Variants in USH2A observed in about 807,000 individuals in gnomAD.
The protein encoded by USH2A is usherin, also known as Usher syndrome 2A (autosomal recessive, mild).
USH2A carries 443 observed loss-of-function variants against 538.9 expected under a neutral mutation model. That is an observed-to-expected ratio of 0.82 (90% CI 0.76 to 0.89). USH2A has a LOEUF of 0.89. USH2A is among the 40% of genes least tolerant of loss of function. USH2A has a pLI of 0.00. For missense variants in USH2A, 6,633 were observed against 6,324.8 expected (o/e 1.05, Z -1.65); for synonymous variants, 2,413 against 2,273.5 (o/e 1.06, Z -1.75).
chr1:216,399,282 T>C (rs747626288), intron 3 of USH2A, among the ~76,000 whole-genome samples: 1 of 152,050 alleles, frequency 6.6e-6, no homozygotes, highest in Non-Finnish European at 1.5e-5. Context: ...GGAATGAACC[T>C]CTCCACTCTC....
intron 25 of USH2A, 82 bp from the exon 26 acceptor site, chr1:216,083,668 C>T: frequency 7.5e-7 from 1 of 1,331,324 alleles, no homozygotes; most frequent in Non-Finnish European, 1.0e-6. Flanking sequence ...AACTCTAGGA[C>T]ACAGTCTGCC....
intron 38 of USH2A, among the ~76,000 whole-genome samples, chr1:215,929,686 T>G (rs189202861): frequency 3.9e-5 from 6 of 152,042 alleles, no homozygotes; most frequent in African/African-American, 1.4e-4. Context: ...ATATAATATG[T>G]TGTTCAATCC....
intron 11 of USH2A, among the ~76,000 whole-genome samples, chr1:216,282,317 G>A (rs2036799288): frequency 6.6e-6 from 1 of 152,100 alleles, no homozygotes; most frequent in Non-Finnish European, 1.5e-5. Flanking sequence ...AGGACATGAA[G>A]ATTTGCATCT....
intron 20 of USH2A, among the ~76,000 whole-genome samples, chr1:216,184,176 G>T (rs1303459838): frequency 6.6e-6 from 1 of 151,952 alleles, no homozygotes; most frequent in East Asian, 1.9e-4. Flanking sequence ...ATTGTAAAAT[G>T]GTGCCTTTAT....
At chr1:216,237,068 C>T (rs80270703) in intron 13 of USH2A, among the ~76,000 whole-genome samples, 5,351 of 152,184 alleles carry the variant, frequency 0.035, 326 homozygotes, top group African/African-American at 0.12. Context: ...TGTTCCCATT[C>T]AGTGTTTATC....
chr1:216,006,630 C>T (rs903964698), intron 32 of USH2A, among the ~76,000 whole-genome samples: 3 of 152,148 alleles, frequency 2.0e-5, no homozygotes, highest in African/African-American at 7.2e-5. Flanking sequence ...AACTTTTCAG[C>T]CATAATTATG....
intron 11 of USH2A, among the ~76,000 whole-genome samples, chr1:216,268,691 C>T (rs948352781): frequency 2.0e-5 from 3 of 152,072 alleles, no homozygotes; most frequent in Non-Finnish European, 4.4e-5. Context: ...GCTATACAGC[C>T]CCTTTTCTGA....
chr1:215,711,624 A>G (rs1397281391), intron 61 of USH2A, among the ~76,000 whole-genome samples: 1 of 151,996 alleles, frequency 6.6e-6, no homozygotes. Flanking sequence ...CTTATGTATC[A>G]TTTTTTATTT....
chr1:216,393,337 G>A (rs976440673), intron 3 of USH2A, among the ~76,000 whole-genome samples: 2 of 152,170 alleles, frequency 1.3e-5, no homozygotes, highest in Non-Finnish European at 1.5e-5. Context: ...TGTATGAATT[G>A]AAATTTAATC....
At chr1:215,964,369 G>A (rs1034781797) in intron 37 of USH2A, among the ~76,000 whole-genome samples, 2 of 152,102 alleles carry the variant, frequency 1.3e-5, no homozygotes, top group African/African-American at 2.4e-5. Flanking sequence ...CACTTGACTC[G>A]CATTTGCTTG....
intron 47 of USH2A, 95 bp from the exon 48 acceptor site, chr1:215,817,290 T>C (rs916407529): frequency 8.4e-6 from 5 of 597,152 alleles, no homozygotes; most frequent in East Asian, 8.2e-5. Flanking sequence ...TAGATACTAA[T>C]ATATATATAT....
At chr1:215,730,903 T>C (rs1659977274) in intron 60 of USH2A, among the ~76,000 whole-genome samples, 2 of 152,176 alleles carry the variant, frequency 1.3e-5, no homozygotes, top group South Asian at 4.1e-4. Flanking sequence ...ACCAGGTGTG[T>C]CATTGGGAGA....
In USH2A at chr1:216,084,780, A is replaced by G; in HGVS notation, c.5085T>C (p.Ser1695=). ...TATACACGTTGATTTGTTCTTCAGA[A>G]CTCTGCCAATCCAGAGGTTCCCAAA... ...SAIWEPLDWQ[S]SEEQINVYNS... The change falls in exon 25 of 72, where the codon AGT becomes AGC. Residue 1695 remains serine (S), a synonymous_variant. Transcript: ENST00000307340. 1 of 1,613,482 alleles carries G rather than the reference A, an allele frequency of 6.2e-7. No homozygotes were observed. Among genetic ancestry groups the G allele is most frequent in the Non-Finnish European group, 8.5e-7 (1 of 1,179,678 alleles).
chr1:215,671,625 A>T (rs957363570), intron 63 of USH2A, among the ~76,000 whole-genome samples: 1 of 152,128 alleles, frequency 6.6e-6, no homozygotes, highest in Non-Finnish European at 1.5e-5. Context: ...GGTGAGTGCA[A>T]TTCTTCCCCT....
At chr1:215,956,167 A>C (rs905817913) in intron 37 of USH2A, among the ~76,000 whole-genome samples, 1 of 152,184 alleles carries the variant, frequency 6.6e-6, no homozygotes, top group Non-Finnish European at 1.5e-5. Context: ...CACTGATTCT[A>C]ATATTACTAT....
chr1:216,141,708 C>A (rs2033606916), intron 21 of USH2A, among the ~76,000 whole-genome samples: 1 of 152,018 alleles, frequency 6.6e-6, no homozygotes, highest in African/African-American at 2.4e-5. Context: ...ATCTGGCATA[C>A]CATGTTTCTA....
chr1:216,285,000 T>G (rs1433487015), intron 11 of USH2A, among the ~76,000 whole-genome samples: 1 of 152,124 alleles, frequency 6.6e-6, no homozygotes, highest in Non-Finnish European at 1.5e-5. Flanking sequence ...TAGTAAGTGT[T>G]AAAGAGGAAG....
chr1:216,097,352 T>C, intron 21 of USH2A, 139 bp from the exon 22 acceptor site: 1 of 1,459,940 alleles, frequency 6.8e-7, no homozygotes, highest in South Asian at 1.2e-5. Context: ...ACTCGCATGG[T>C]CTAGGCCATT....
intron 9 of USH2A, among the ~76,000 whole-genome samples, chr1:216,295,341 C>T (rs1321099744): frequency 6.6e-6 from 1 of 151,536 alleles, no homozygotes; most frequent in Non-Finnish European, 1.5e-5. Context: ...AACCCAACAT[C>T]ATTAATAGTA....
Sources: gnomAD v4.1 joint callset for allele counts (sites outside exome capture counted in the v4.1 genomes callset) on GRCh38, gnomAD v4.1.1 for gene constraint, MANE v1.5 for transcripts, NCBI Gene and HGNC (gene_info 2026-07-23, HGNC 2026-07-21) for gene names.